CLSTN1: variants seen among roughly 807,000 people sequenced by gnomAD.
The protein encoded by CLSTN1 is calsyntenin-1.
Under a neutral mutation model 108.3 loss-of-function variants are expected in CLSTN1, and 28 were observed. The observed-to-expected ratio is 0.26, with a 90% confidence interval of 0.19 to 0.35. The LOEUF (loss-of-function observed/expected upper bound fraction) is 0.35. Among genes scored for constraint, CLSTN1 ranks in the 10% least tolerant of loss-of-function variants. The pLI is 1.00. For missense variants in CLSTN1, 1,157 were observed against 1,302.6 expected, an observed-to-expected ratio of 0.89 and a Z score of 1.72; for synonymous variants, 524 against 534.9, an observed-to-expected ratio of 0.98 and a Z score of 0.28.
rs1016876296 is a variant in CLSTN1 at position 9,750,186 on chromosome 1, T to A, written c.650-273A>T. ...GTTACATTGGGCTTTACATTAAGAT[T>A]TAACTGTTTACATACATTCAGAGGA... On this transcript the variant is annotated intron_variant, in intron 5 of 18. Transcript: ENST00000377298. 4 of 297,952 alleles carry A rather than the reference T, an allele frequency of 1.3e-5. No individual in the cohort carries two copies. The Admixed American group carries it at 1.4e-4, about 10-fold the overall frequency. 18.5% of individuals were successfully genotyped at this position (297,952 alleles called of 1,614,324 possible).
intron 1 of CLSTN1, among the ~76,000 whole-genome samples, chr1:9,791,057 G>A (rs922303863): frequency 2.7e-5 from 4 of 150,278 alleles, no homozygotes; most frequent in South Asian, 2.3e-4. Flanking sequence ...GCGTGAACCC[G>A]GGAGGCGGGA....
At chr1:9,802,507 A>C (rs1654319119) in intron 1 of CLSTN1, among the ~76,000 whole-genome samples, 1 of 152,244 alleles carries the variant, frequency 6.6e-6, no homozygotes, top group Non-Finnish European at 1.5e-5. Context: ...CTATCCATCC[A>C]GATTTTTTAA....
At chr1:9,778,652 TAA>T (rs940237646) in intron 1 of CLSTN1, among the ~76,000 whole-genome samples, 6 of 152,010 alleles carry the variant, frequency 3.9e-5, no homozygotes, top group African/African-American at 1.4e-4. Context: ...AGACCAAAAA[TAA>T]AAGTGTCTTT....
rs1372497578 is a variant in CLSTN1, at chr1:9,734,138, T to C, written c.2115A>G (p.Gln705=). The C allele has an allele frequency of 1.2e-6, 2 of 1,613,996 alleles. No homozygotes were observed. Among genetic ancestry groups the C allele is most frequent in the East Asian group, 4.5e-5 (2 of 44,862 alleles). Residue 705 remains glutamine, a synonymous_variant, in exon 15 of 19, where the codon CAA becomes CAG. Transcript: ENST00000377298. The surrounding 1 kb of genome is among the most constrained non-coding windows in gnomAD (Gnocchi z 4.8). ...EGDGAEDPTV[Q]ESLVSEEIVH... ...CGATCTCCTCGGACACCAGTGATTC[T>C]TGAACTGCAAAAGAGGCCCAACCAG...
chr1:9,788,339 C>G (rs1163161595), intron 1 of CLSTN1, among the ~76,000 whole-genome samples: 2 of 149,896 alleles, frequency 1.3e-5, no homozygotes, highest in African/African-American at 2.4e-5. Context: ...GGGAGGCCGA[C>G]ATGGGTGGAT....
chr1:9,753,955 G>A (rs972710087), intron 4 of CLSTN1, among the ~76,000 whole-genome samples: 2 of 152,054 alleles, frequency 1.3e-5, no homozygotes, highest in African/African-American at 4.8e-5. Context: ...TGAGACCACA[G>A]GCATGTGCCA....
intron 2 of CLSTN1, among the ~76,000 whole-genome samples, chr1:9,760,938 T>A (rs892524845): frequency 6.6e-6 from 1 of 152,008 alleles, no homozygotes; most frequent in South Asian, 2.1e-4. Flanking sequence ...ACCTCATCCG[T>A]TGCAGGGAAG....
At chr1:9,776,573 C>A (rs1652953871) in intron 1 of CLSTN1, among the ~76,000 whole-genome samples, 1 of 152,094 alleles carries the variant, frequency 6.6e-6, no homozygotes, top group Non-Finnish European at 1.5e-5. Context: ...CCATTTCTTA[C>A]CTCCTTCCTG....
rs1247102040 is a variant in CLSTN1, at chr1:9,813,108, T to C, written c.91+10535A>G. Among the ~76,000 whole-genome samples, 5 of 152,120 alleles carry C rather than the reference T, an allele frequency of 3.3e-5. No homozygotes were observed. In the East Asian group the frequency reaches 9.6e-4, roughly 29 times the overall value. On this transcript the variant is annotated intron_variant, in intron 1 of 18. Transcript: ENST00000377298. ...TGAACCCAGGAAGTGGAGGTTGCAG[T>C]GAGCCGAGAGTACACCACTGCACTC... is the stretch of plus-strand genomic sequence containing the variant.
At chr1:9,810,331 T>C (rs1391977085) in intron 1 of CLSTN1, among the ~76,000 whole-genome samples, 549 of 116,540 alleles carry the variant, frequency 4.7e-3, no homozygotes, top group Middle Eastern at 0.046. Flanking sequence ...CAAAAATTAG[T>C]CAGGTGTGGG....
intron 1 of CLSTN1, among the ~76,000 whole-genome samples, chr1:9,778,457 T>A (rs1016997363): frequency 6.6e-6 from 1 of 152,176 alleles, no homozygotes; most frequent in African/African-American, 2.4e-5. Flanking sequence ...ATTCAAAAGA[T>A]ACTGCGAAGG....
At chr1:9,735,240 G>A (rs1345061329) in intron 13 of CLSTN1, 66 bp from the exon 14 acceptor site, 4 of 1,546,658 alleles carry the variant, frequency 2.6e-6, no homozygotes, top group Non-Finnish European at 3.6e-6. Context: ...CCTGTGCAAA[G>A]GCACATGGAG....
intron 11 of CLSTN1, among the ~76,000 whole-genome samples, chr1:9,737,027 C>T (rs567329839): frequency 2.6e-5 from 4 of 151,836 alleles, no homozygotes; most frequent in Non-Finnish European, 5.9e-5. Flanking sequence ...GAGCCAAGAC[C>T]GCGCCACTGC....
chr1:9,776,961 T>C (rs1652983522), intron 1 of CLSTN1, among the ~76,000 whole-genome samples: 1 of 152,044 alleles, frequency 6.6e-6, no homozygotes, highest in Non-Finnish European at 1.5e-5. Context: ...CTCATGCCTG[T>C]AATCCCAGCG....
In CLSTN1 at chr1:9,737,390, G is replaced by A. The variant is rs1570436548; in HGVS notation, c.1576+108C>T. The A allele has an allele frequency of 3.2e-6, 3 of 936,444 alleles. No individual in the cohort carries two copies. The East Asian group carries it at 7.2e-5, about 22-fold the overall frequency. The allele number at this position is 936,444 out of a possible 1,614,324, so 58.0% of individuals were successfully genotyped here. ...GCAATGCAGGGAAGCAGCTCAGATGGTGTCCAGGACCAAAATGCAACTGGG... is the reference window on the plus strand; with the variant it reads ...GCAATGCAGGGAAGCAGCTCAGATGATGTCCAGGACCAAAATGCAACTGGG... On this transcript the variant is annotated intron_variant, in intron 11 of 18. Transcript: ENST00000377298.
At chr1:9,802,656 G>T (rs1457733612) in intron 1 of CLSTN1, among the ~76,000 whole-genome samples, 1 of 152,074 alleles carries the variant, frequency 6.6e-6, no homozygotes, top group African/African-American at 2.4e-5. Context: ...AGATCCCACT[G>T]TTCATTCTAC....
At chr1:9,802,155 T>C (rs992152330) in intron 1 of CLSTN1, among the ~76,000 whole-genome samples, 5 of 152,192 alleles carry the variant, frequency 3.3e-5, no homozygotes, top group African/African-American at 1.2e-4. Flanking sequence ...GGTCTGAACC[T>C]CAACAGTTTA....
At chr1:9,814,845 A>G (rs1028131751) in intron 1 of CLSTN1, among the ~76,000 whole-genome samples, 1 of 151,912 alleles carries the variant, frequency 6.6e-6, no homozygotes. Context: ...GGCTGCAGTG[A>G]GCTGTGATTG....
intron 1 of CLSTN1, among the ~76,000 whole-genome samples, chr1:9,802,251 A>G (rs1349396851): frequency 2.0e-5 from 3 of 152,184 alleles, no homozygotes; most frequent in African/African-American, 7.2e-5. Context: ...CTTTCTGACA[A>G]GGAATGCTTC....
Sources: gnomAD v4.1 joint callset for allele counts (sites outside exome capture counted in the v4.1 genomes callset) on GRCh38, gnomAD v4.1.1 for gene constraint, Gnocchi (gnomAD v3.1) non-coding constraint, MANE v1.5 for transcripts, NCBI Gene and HGNC (gene_info 2026-07-23, HGNC 2026-07-21) for gene names.